Variants in HIPK3 observed in about 807,000 individuals in gnomAD.
The protein encoded by HIPK3 is homeodomain-interacting protein kinase 3.
In HIPK3, 47 loss-of-function variants were observed where a neutral mutation model predicts 124.2. That is an observed-to-expected ratio of 0.38 (90% CI 0.30 to 0.48). The LOEUF is 0.48. Among genes scored for constraint, HIPK3 ranks in the 20% least tolerant of loss-of-function variants. The pLI is 0.98. For missense variants in HIPK3, 1,286 were observed against 1,454.3 expected (o/e 0.88, Z 1.88); for synonymous variants, 482 against 515.2 (o/e 0.94, Z 0.87).
intron 5 of HIPK3, 44 bp from the exon 6 acceptor site, chr11:33,339,306 G>T: frequency 2.0e-6 from 3 of 1,483,898 alleles, no homozygotes; most frequent in South Asian, 1.2e-5. Context: ...ACTACTCTCT[G>T]TGACTTATTT....
chr11:33,326,133 A>G (rs1331226531), intron 2 of HIPK3, among the ~76,000 whole-genome samples: 1 of 152,158 alleles, frequency 6.6e-6, no homozygotes, highest in Non-Finnish European at 1.5e-5. Flanking sequence ...TTATCCTCTG[A>G]ATTTCCTTTG....
At chr11:33,300,629 C>T (rs1851972335) in intron 2 of HIPK3, among the ~76,000 whole-genome samples, 1 of 152,192 alleles carries the variant, frequency 6.6e-6, no homozygotes, top group Non-Finnish European at 1.5e-5. Context: ...TTGTGTGACT[C>T]ACCTTATTGG....
chr11:33,290,392 A>G (rs750241522), intron 2 of HIPK3, among the ~76,000 whole-genome samples: 35 of 152,024 alleles, frequency 2.3e-4, no homozygotes, highest in Non-Finnish European at 4.7e-4. Flanking sequence ...CTTATTTAAC[A>G]GTATGAGAAG....
chr11:33,319,197 G>GT (rs1373798317), intron 2 of HIPK3, among the ~76,000 whole-genome samples: 4 of 152,146 alleles, frequency 2.6e-5, no homozygotes, highest in Non-Finnish European at 5.9e-5. Context: ...GCAGTAATCT[G>GT]TTTTTAAAAC....
intron 3 of HIPK3, among the ~76,000 whole-genome samples, chr11:33,336,153 A>G (rs1853141413): frequency 1.3e-5 from 2 of 152,166 alleles, no homozygotes; most frequent in African/African-American, 4.8e-5. Flanking sequence ...TTATTTATTG[A>G]TGGGTCATGG....
At position 33,286,985 on chromosome 11, in the gene HIPK3, T is replaced by C. The variant is rs35689361; in HGVS notation, c.571T>C (p.Cys191Arg). 34 of 1,614,058 alleles carry C rather than the reference T, an allele frequency of 2.1e-5. No homozygotes were observed. The highest frequency in any genetic ancestry group is 4.4e-5 in the South Asian group (4 of 91,086). The change falls in exon 2 of 17, where the codon TGC becomes CGC. Residue 191 changes from cysteine (C) to arginine (R), a missense_variant. Cys to Arg is a radical substitution (Grantham distance 180). Coordinates refer to ENST00000303296, the MANE Select transcript of HIPK3 (RefSeq NM_005734.5). ...TCAGTTAGTACAGCATGAAGTCTTA[T>C]GCTCCATGAAAAATACTTACGAAGT... ...DYQLVQHEVLCSMKNTYEVLD... is the reference protein window; with the variant it reads ...DYQLVQHEVLRSMKNTYEVLD...
chr11:33,307,755 GGTGTGT>G (rs150805766), intron 2 of HIPK3, among the ~76,000 whole-genome samples: 8 of 145,836 alleles, frequency 5.5e-5, no homozygotes, highest in African/African-American at 1.5e-4. Flanking sequence ...TATTCTTGTT[GGTGTGT>G]GTGTGTGTGT....
chr11:33,353,443 TC>T lies in HIPK3; in HGVS notation c.3527del (p.Pro1176GlnfsTer29). 1 of 1,613,884 alleles carries T rather than the reference TC, an allele frequency of 6.2e-7. No individual in the cohort carries two copies. The highest frequency in any genetic ancestry group is 8.5e-7 in the Non-Finnish European group (1 of 1,179,764). On this transcript the variant is annotated frameshift_variant, in exon 17 of 17. Transcript: ENST00000303296. LOFTEE classifies it high-confidence loss of function. ...PVGLNPRLLP[S>X]PTIHQTQYKP... Reference sequence around the variant, plus strand: ...GGGCTTAAATCCCCGTCTGTTACCATCCCCAACCATTCATCAGACTCAGTAC... The same window carrying T: ...GGGCTTAAATCCCCGTCTGTTACCATCCCAACCATTCATCAGACTCAGTAC...
intron 2 of HIPK3, among the ~76,000 whole-genome samples, chr11:33,297,259 A>T (rs1258464699): frequency 6.6e-6 from 1 of 151,922 alleles, no homozygotes; most frequent in African/African-American, 2.4e-5. Context: ...ACGCCTGGCT[A>T]ATTTTTGTAT....
chr11:33,332,502 T>C (rs951734917), intron 3 of HIPK3, among the ~76,000 whole-genome samples: 22 of 152,216 alleles, frequency 1.4e-4, no homozygotes, highest in African/African-American at 5.3e-4. Context: ...AATGGATGGA[T>C]AGACGGATGG....
rs1853588307 is a variant in HIPK3, at chr11:33,349,248, C to T, written c.2768C>T (p.Ser923Leu). Residue 923 changes from serine (S) to leucine (L), a missense_variant, in exon 14 of 17, where the codon TCA (serine) becomes TTA (leucine). This residue lies in a region of HIPK3 where 810 missense variants were observed against 864.9 expected (regional missense o/e 0.94). Coordinates refer to ENST00000303296, the MANE Select transcript of HIPK3 (RefSeq NM_005734.5). ...GATAGTACTCTGAGTACCAGCTCCT[C>T]AGGGCAGTCCAGCCCATCCCCCTGC... ...SPDSTLSTSSSGQSSPSPCKR... is the reference protein window; with the variant it reads ...SPDSTLSTSSLGQSSPSPCKR... The T allele has an allele frequency of 3.1e-6, 5 of 1,613,886 alleles. No individual in the cohort carries two copies. Among genetic ancestry groups the T allele is most frequent in the Non-Finnish European group, 4.2e-6 (5 of 1,179,804 alleles).
intron 14 of HIPK3, among the ~76,000 whole-genome samples, chr11:33,349,900 T>C (rs1853607473): frequency 6.6e-6 from 1 of 152,132 alleles, no homozygotes; most frequent in Non-Finnish European, 1.5e-5. Context: ...CCCATGTAGC[T>C]GGGACTACAG....
At chr11:33,312,284 T>C (rs1363597932) in intron 2 of HIPK3, among the ~76,000 whole-genome samples, 1 of 152,230 alleles carries the variant, frequency 6.6e-6, no homozygotes, top group Non-Finnish European at 1.5e-5. Context: ...GGCAGTTCTC[T>C]AGACTGTTAT....
At chr11:33,315,647 G>A (rs1852479943) in intron 2 of HIPK3, among the ~76,000 whole-genome samples, 3 of 152,218 alleles carry the variant, frequency 2.0e-5, no homozygotes, top group African/African-American at 7.2e-5. Flanking sequence ...ACAGATGTGA[G>A]CCACTGTGCC....
chr11:33,274,328 T>C (rs1851215520), intron 1 of HIPK3, among the ~76,000 whole-genome samples: 1 of 152,204 alleles, frequency 6.6e-6, no homozygotes, highest in South Asian at 2.1e-4. Flanking sequence ...GTCTGAAAGT[T>C]ACATAGATTT....
At chr11:33,290,920 A>G (rs1014405020) in intron 2 of HIPK3, among the ~76,000 whole-genome samples, 1 of 152,224 alleles carries the variant, frequency 6.6e-6, no homozygotes, top group Non-Finnish European at 1.5e-5. Context: ...GCTAAATTAC[A>G]GGCTCTGGGT....
At chr11:33,285,977 G>A (rs1851538921) in intron 1 of HIPK3, among the ~76,000 whole-genome samples, 1 of 152,098 alleles carries the variant, frequency 6.6e-6, no homozygotes, top group Admixed American at 6.5e-5. Flanking sequence ...TCTTCACCGT[G>A]TTGGCCAGGC....
intron 1 of HIPK3, among the ~76,000 whole-genome samples, chr11:33,273,692 A>G (rs971700075): frequency 1.3e-5 from 2 of 152,152 alleles, no homozygotes; most frequent in Non-Finnish European, 2.9e-5. Flanking sequence ...TTAGGACCCT[A>G]TAGGATCTTA....
In HIPK3 at chr11:33,339,400, T is replaced by C; in HGVS notation, c.1479T>C (p.Ala493=). Residue 493 remains alanine, a synonymous_variant, in exon 6 of 17, where the codon GCT becomes GCC. Coordinates refer to ENST00000303296, the MANE Select transcript of HIPK3 (RefSeq NM_005734.5). The part of the protein sequence containing the change: ...LEGSDLLAEK[A]DRREFVSLLK... Reference sequence around the variant, plus strand: ...GAAGTGATCTTTTGGCTGAGAAAGCTGATAGAAGAGAATTTGTTAGTCTGT... The same window carrying C: ...GAAGTGATCTTTTGGCTGAGAAAGCCGATAGAAGAGAATTTGTTAGTCTGT... The C allele has an allele frequency of 6.2e-7, 1 of 1,613,680 alleles. No individual in the cohort carries two copies. The highest frequency in any genetic ancestry group is 8.5e-7 in the Non-Finnish European group (1 of 1,179,682).
Sources: gnomAD v4.1 joint callset for allele counts (sites outside exome capture counted in the v4.1 genomes callset) on GRCh38, gnomAD v4.1.1 for gene constraint, gnomAD v4.1.1 regional missense constraint, MANE v1.5 for transcripts, NCBI Gene and HGNC (gene_info 2026-07-23, HGNC 2026-07-21) for gene names.